The following TRPS1 variants were observed in gnomAD, a reference collection of about 807,000 sequenced individuals.
TRPS1 encodes the protein transcriptional repressor GATA binding 1, also known as zinc finger transcription factor Trps1.
TRPS1 carries 6 observed loss-of-function variants against 101.2 expected under a neutral mutation model. The ratio of observed to expected loss-of-function variants is 0.06; its 90% CI spans 0.03 to 0.12. TRPS1 has a LOEUF of 0.12. Among genes scored for constraint, TRPS1 ranks in the 10% least tolerant of loss-of-function variants. The probability of loss-of-function intolerance (pLI) is 1.00; values close to 1 mark genes in which losing one functional copy is unlikely to be tolerated. For missense variants in TRPS1, 1,363 were observed against 1,567.0 expected, an observed-to-expected ratio of 0.87 and a Z score of 2.20; for synonymous variants, 578 against 589.8, an observed-to-expected ratio of 0.98 and a Z score of 0.29.
At chr8:115,603,166 TAGATATTA>T (rs1216859937) in intron 4 of TRPS1, among the ~76,000 whole-genome samples, 4 of 152,180 alleles carry the variant, frequency 2.6e-5, no homozygotes, top group Admixed American at 6.5e-5. Flanking sequence ...TGCTTATCTC[TAGATATTA>T]TAAAAGATTA....
intron 4 of TRPS1, among the ~76,000 whole-genome samples, chr8:115,592,048 G>A (rs973380268): frequency 2.0e-5 from 3 of 152,056 alleles, no homozygotes; most frequent in South Asian, 2.1e-4. Context: ...AACTACTGAC[G>A]ATATGCCAAA....
At chr8:115,668,165 G>A in intron 1 of TRPS1, 2 of 546,310 alleles carry the variant, frequency 3.7e-6, no homozygotes, top group Non-Finnish European at 6.5e-6. Context: ...GCAGTTTGAA[G>A]TCGCTGGTTT....
chr8:115,525,992 G>A (rs1287310071), intron 5 of TRPS1, among the ~76,000 whole-genome samples: 1 of 151,994 alleles, frequency 6.6e-6, no homozygotes, highest in African/African-American at 2.4e-5. Context: ...AATACTGTTG[G>A]GCAATAAATT....
intron 5 of TRPS1, chr8:115,492,345 G>A: frequency 2.3e-6 from 1 of 442,846 alleles, no homozygotes; most frequent in South Asian, 1.6e-5. Context: ...AATTTTGCAG[G>A]AACAGACAGG....
In TRPS1 at chr8:115,492,954, A is replaced by G. The variant is rs951784524; in HGVS notation, c.2701-74502T>C. Among the ~76,000 whole-genome samples, 5 of 152,206 alleles carry G rather than the reference A, an allele frequency of 3.3e-5. 1 individual carries two copies. Among genetic ancestry groups the G allele is most frequent in the African/African-American group, 1.2e-4 (5 of 41,550 alleles). On this transcript the variant is annotated intron_variant, in intron 5 of 6. Coordinates refer to ENST00000395715, the MANE Select transcript of TRPS1 (RefSeq NM_014112.5). ...GGTTTTGAACACTTGACCTCAAGTG[A>G]TCTGTTCACCTTGGTCTCCCAAAGT... is the stretch of plus-strand genomic sequence containing the variant.
intron 2 of TRPS1, among the ~76,000 whole-genome samples, chr8:115,620,901 A>G (rs912293363): frequency 1.3e-5 from 2 of 152,190 alleles, no homozygotes; most frequent in African/African-American, 4.8e-5. Context: ...CACCACTGGG[A>G]GCACACTGGA....
chr8:115,608,856 C>A (rs1338990881), intron 3 of TRPS1, among the ~76,000 whole-genome samples: 3 of 149,204 alleles, frequency 2.0e-5, no homozygotes, highest in Non-Finnish European at 2.9e-5. Flanking sequence ...TTAAAAATTT[C>A]TTTTTTAGAG....
At chr8:115,484,438 T>C (rs1029156108) in intron 5 of TRPS1, among the ~76,000 whole-genome samples, 1 of 152,156 alleles carries the variant, frequency 6.6e-6, no homozygotes, top group Non-Finnish European at 1.5e-5. Context: ...ATAGAAGTAA[T>C]AGCTATAGTA....
At chr8:115,545,768 A>G (rs1816556103) in intron 5 of TRPS1, among the ~76,000 whole-genome samples, 1 of 152,190 alleles carries the variant, frequency 6.6e-6, no homozygotes, top group Non-Finnish European at 1.5e-5. Flanking sequence ...TCTTTTAGTT[A>G]TACTTGATGA....
intron 5 of TRPS1, among the ~76,000 whole-genome samples, chr8:115,516,411 G>A (rs867649375): frequency 1.3e-5 from 2 of 151,408 alleles, no homozygotes; most frequent in Non-Finnish European, 3.0e-5. Flanking sequence ...CACAATGTGA[G>A]TGAAAAAAAT....
chr8:115,617,901 G>T (rs149848331), intron 3 of TRPS1, among the ~76,000 whole-genome samples: 2 of 152,244 alleles, frequency 1.3e-5, no homozygotes, highest in Non-Finnish European at 2.9e-5. Context: ...GATGAAACTG[G>T]TGTTTTAAGA....
At chr8:115,500,053 G>A (rs371447115) in intron 5 of TRPS1, among the ~76,000 whole-genome samples, 40 of 149,382 alleles carry the variant, frequency 2.7e-4, no homozygotes, top group Admixed American at 6.7e-4. Context: ...TTTCCAAGAC[G>A]CGATCTCGCT....
chr8:115,604,993 C>A lies in TRPS1; in HGVS notation c.976G>T (p.Gly326Cys). 6.2e-7 allele frequency: 1 copy of A among 1,613,208 alleles called. No individual in the cohort carries two copies. The highest frequency in any genetic ancestry group is 8.5e-7 in the Non-Finnish European group (1 of 1,179,884). ...CGTCCAATGCCAATGAATGTTCCAC[C>A]TGAAGTCACCTGGAGAACAGAAGAA... Reference protein sequence around the residue: ...NGTYDVQVTSGGTFIGIGRKT... With the variant: ...NGTYDVQVTSCGTFIGIGRKT... The change falls in exon 4 of 7, where the codon GGT (glycine) becomes TGT (cysteine). Residue 326 changes from glycine (G) to cysteine (C), a missense_variant. Transcript: ENST00000395715. The surrounding 1 kb of genome is among the most constrained non-coding windows in gnomAD (Gnocchi z 4.1).
chr8:115,654,923 C>A (rs537744121), intron 1 of TRPS1, among the ~76,000 whole-genome samples: 1 of 152,236 alleles, frequency 6.6e-6, no homozygotes, highest in Admixed American at 6.5e-5. Context: ...CATTTTAATT[C>A]TATTCTCATA....
At chr8:115,609,566 T>C (rs572780983) in intron 3 of TRPS1, among the ~76,000 whole-genome samples, 1 of 152,314 alleles carries the variant, frequency 6.6e-6, no homozygotes, top group South Asian at 2.1e-4. Flanking sequence ...CAGTACTTCA[T>C]GGCACCCTCA....
chr8:115,485,434 G>A (rs1001368610), intron 5 of TRPS1, among the ~76,000 whole-genome samples: 2 of 152,148 alleles, frequency 1.3e-5, no homozygotes, highest in Non-Finnish European at 2.9e-5. Context: ...CCAGTCTCCT[G>A]CCCTACAAAA....
Position 115,619,121 on chromosome 8 carries a change from A to G in TRPS1, c.966+11T>C, listed in dbSNP as rs536244768. On this transcript the variant is annotated intron_variant, in intron 3 of 6. Transcript: ENST00000395715. ...CTTTTTCTGTACAAAGAGACAATAC[A>G]AAGTACAAACCTGCACATCATAGGT... 1.9e-6 allele frequency: 3 copies of G among 1,613,862 alleles called. No individual in the cohort carries two copies. The highest frequency in any genetic ancestry group is 1.1e-5 in the South Asian group (1 of 91,064).
At chr8:115,659,927 T>C (rs181186587) in intron 1 of TRPS1, among the ~76,000 whole-genome samples, 35 of 152,148 alleles carry the variant, frequency 2.3e-4, no homozygotes, top group African/African-American at 8.2e-4. Context: ...AAATTCCATG[T>C]AGTGCCTGTA....
intron 3 of TRPS1, among the ~76,000 whole-genome samples, chr8:115,616,914 C>A (rs74415946): frequency 6.6e-6 from 1 of 152,044 alleles, no homozygotes; most frequent in Non-Finnish European, 1.5e-5. Flanking sequence ...ATTTCAGATG[C>A]GTTTTTATTC....
Sources: allele counts gnomAD v4.1 joint callset (sites outside exome capture counted in the v4.1 genomes callset), GRCh38; gene constraint gnomAD v4.1.1; non-coding constraint Gnocchi (gnomAD v3.1); transcripts MANE v1.5; gene names NCBI Gene and HGNC (gene_info 2026-07-23, HGNC 2026-07-21).